RAP1GAP2: variants seen among roughly 807,000 people sequenced by gnomAD.
The protein encoded by RAP1GAP2 is RAP1 GTPase activating protein 2.
A neutral mutation model predicts 95.0 loss-of-function variants in RAP1GAP2; 27 were observed. The ratio of observed to expected loss-of-function variants is 0.28; its 90% CI spans 0.21 to 0.39. The LOEUF (loss-of-function observed/expected upper bound fraction) is 0.39, where lower values mean the gene tolerates loss of function less well. RAP1GAP2 is among the 10% of genes least tolerant of loss of function. The pLI is 1.00. For missense variants in RAP1GAP2, 771 were observed against 970.0 expected (o/e 0.79, Z 2.72); for synonymous variants, 373 against 380.9 (o/e 0.98, Z 0.24).
intron 17 of RAP1GAP2, among the ~76,000 whole-genome samples, chr17:3,011,609 G>GTTTTTTT (rs555219792): frequency 1.8e-5 from 2 of 109,666 alleles, no homozygotes; most frequent in Non-Finnish European, 3.6e-5. Flanking sequence ...TCCTGTCAAA[G>GTTTTTTT]TTTTTTTTTT....
At chr17:2,770,250 T>C (rs2068364028) in intron 1 of RAP1GAP2, 2 of 398,070 alleles carry the variant, frequency 5.0e-6, no homozygotes, top group Admixed American at 8.8e-5. Flanking sequence ...TCAGCAATTC[T>C]CCGGCAAGCA....
At position 2,995,347 on chromosome 17, in the gene RAP1GAP2, G is replaced by A; in HGVS notation, c.925G>A (p.Gly309Ser). 6.2e-7 allele frequency: 1 copy of A among 1,613,736 alleles called. No individual in the cohort carries two copies. Among genetic ancestry groups the A allele is most frequent in the Non-Finnish European group, 8.5e-7 (1 of 1,179,680 alleles). The change falls in exon 13 of 25, where the codon GGC (glycine) becomes AGC (serine). Residue 309 changes from glycine (G) to serine (S), a missense_variant. Physicochemically the swap from Gly to Ser is moderately conservative, Grantham distance 56. Transcript: ENST00000254695. ...TLQDFKGFRG[G>S]LDVTHGQTGV... Reference sequence around the variant, plus strand: ...CTGTTTTGTTGACAGTTTCCGAGGAGGCCTGGACGTGACCCACGGACAGAC... The same window carrying A: ...CTGTTTTGTTGACAGTTTCCGAGGAAGCCTGGACGTGACCCACGGACAGAC...
chr17:3,008,121 CG>C lies in RAP1GAP2; in HGVS notation c.1476del (p.Phe493SerfsTer60). The C allele has an allele frequency of 6.2e-7, 1 of 1,613,952 alleles. No homozygotes were observed. Among genetic ancestry groups the C allele is most frequent in the Non-Finnish European group, 8.5e-7 (1 of 1,179,874 alleles). On this transcript the variant is annotated frameshift_variant, in exon 17 of 25. Coordinates refer to ENST00000254695, the MANE Select transcript of RAP1GAP2 (RefSeq NM_015085.5). LOFTEE classifies it high-confidence loss of function. This position sits in a 1 kb window ranked among gnomAD's most constrained non-coding sequence, Gnocchi z 4.2. ...EEDKFENGGH[G>X]GFLESFKRAI... Reference sequence around the variant, plus strand: ...AGGACAAGTTTGAGAATGGAGGCCACGGGGGGTTCCTGGAGTCTTTTAAGGT... The same window carrying C: ...AGGACAAGTTTGAGAATGGAGGCCACGGGGGTTCCTGGAGTCTTTTAAGGT...
chr17:2,979,968 C>G (rs1304315638), intron 8 of RAP1GAP2, among the ~76,000 whole-genome samples: 1 of 151,000 alleles, frequency 6.6e-6, no homozygotes, highest in South Asian at 2.1e-4. Flanking sequence ...GAGGTGGAGT[C>G]TCACTCTTGT....
At chr17:3,016,097 G>A (rs751828640) in intron 17 of RAP1GAP2, among the ~76,000 whole-genome samples, 4 of 152,190 alleles carry the variant, frequency 2.6e-5, no homozygotes, top group Non-Finnish European at 4.4e-5. Flanking sequence ...GGCTCAGTCA[G>A]CATCAAGATT....
At chr17:2,837,637 C>T (rs28369561) in intron 2 of RAP1GAP2, among the ~76,000 whole-genome samples, 22,318 of 140,296 alleles carry the variant, frequency 0.16, 1,858 homozygotes, top group Middle Eastern at 0.22. Context: ...GATGGAGTCT[C>T]ACTCAGTTGC....
chr17:2,929,374 G>A (rs1390930740), intron 3 of RAP1GAP2, among the ~76,000 whole-genome samples: 1 of 152,082 alleles, frequency 6.6e-6, no homozygotes, highest in Non-Finnish European at 1.5e-5. Context: ...CTGGAATCTG[G>A]CAATCCCCTG....
At chr17:2,950,059 TTC>T (rs1367909447) in intron 3 of RAP1GAP2, among the ~76,000 whole-genome samples, 46 of 70,182 alleles carry the variant, frequency 6.6e-4, no homozygotes, top group Admixed American at 4.6e-3. Context: ...CTTCTTCTTC[TTC>T]TTTTTTTTTT....
rs571978840 is a variant in RAP1GAP2 at position 2,942,170 on chromosome 17, A to G, written c.166-15589A>G. Among the ~76,000 whole-genome samples, 7 of 152,226 alleles carry G rather than the reference A, an allele frequency of 4.6e-5. No homozygotes were observed. The South Asian group carries it at 1.2e-3, about 27-fold the overall frequency. On this transcript the variant is annotated intron_variant, in intron 3 of 24. Transcript: ENST00000254695. ...GGATTCATTCTGGGCAAGTTGCTTA[A>G]CCACTCTAAGTCTCCAACCCTCCAG...
chr17:3,031,062 G>C (rs2047275353), intron 23 of RAP1GAP2, 64 bp downstream of exon 23: 1 of 1,473,720 alleles, frequency 6.8e-7, no homozygotes, highest in African/African-American at 1.4e-5. Flanking sequence ...TCCTTCCTGA[G>C]GCCAGAGGAA....
At position 3,029,475 on chromosome 17, in the gene RAP1GAP2, G is replaced by A. The variant is rs187405046; in HGVS notation, c.2108-1447G>A. 6.6e-6 allele frequency among the ~76,000 whole-genome samples: 1 copy of A among 152,322 alleles called. No homozygotes were observed. Among genetic ancestry groups the A allele is most frequent in the Admixed American group, 6.5e-5 (1 of 15,300 alleles). ...GGGATCTGGGAACCGGTTTCATGCT[G>A]TTTGGCTGAGTCTGGGGAGAGGCAG... On this transcript the variant is annotated intron_variant, in intron 22 of 24. Transcript: ENST00000254695. The surrounding 1 kb of genome is among the most constrained non-coding windows in gnomAD (Gnocchi z 4.4).
chr17:2,776,413 G>C (rs2068500398), upstream of RAP1GAP2, among the ~76,000 whole-genome samples: 1 of 152,290 alleles, frequency 6.6e-6, no homozygotes, highest in East Asian at 1.9e-4. Flanking sequence ...TGGCGGGCAG[G>C]CTGCTCCTTC....
Position 2,984,983 on chromosome 17 carries a change from G to T in RAP1GAP2, c.730G>T (p.Ala244Ser), listed in dbSNP as rs751733599. 3 of 1,602,530 alleles carry T rather than the reference G, an allele frequency of 1.9e-6. No homozygotes were observed. The highest frequency in any genetic ancestry group is 2.6e-6 in the Non-Finnish European group (3 of 1,176,194). Reference sequence around the variant, plus strand: ...TTTTTTTTCTTGCCACATTTTCCAGGCCTCCCAAATGATTGTGTCCTATGA... The same window carrying T: ...TTTTTTTTCTTGCCACATTTTCCAGTCCTCCCAAATGATTGTGTCCTATGA... Reference protein sequence around the residue: ...LRFNPVLYPKASQMIVSYDEH... With the variant: ...LRFNPVLYPKSSQMIVSYDEH... The change falls in exon 11 of 25, where the codon GCC becomes TCC. Residue 244 changes from alanine to serine, a missense_variant and splice_region_variant. Transcript: ENST00000254695.
At chr17:3,006,525 C>G (rs1357960143) in intron 16 of RAP1GAP2, among the ~76,000 whole-genome samples, 2 of 151,446 alleles carry the variant, frequency 1.3e-5, no homozygotes, top group African/African-American at 4.9e-5. Flanking sequence ...GCTCTGCCTC[C>G]CGGGTTCACA....
intron 10 of RAP1GAP2, 64 bp downstream of exon 10, chr17:2,981,312 G>T: frequency 2.1e-6 from 3 of 1,445,438 alleles, no homozygotes; most frequent in East Asian, 2.4e-5. Flanking sequence ...CAGACCTGTG[G>T]CTCTTTGGGG....
rs574894968 is a variant in RAP1GAP2 at position 2,957,942 on chromosome 17, C to T, written c.201+148C>T. The T allele has an allele frequency of 2.0e-5, 17 of 865,784 alleles. No homozygotes were observed. The African/African-American group carries it at 2.8e-4, about 14-fold the overall frequency. The allele number at this position is 865,784 out of a possible 1,614,324, so 53.6% of individuals were successfully genotyped here. ...ATTGCATCCCCTTGGCCCAGACAACCTGAGGCCATTTTGCTGTTGAGGGGT... is the reference window on the plus strand; with the variant it reads ...ATTGCATCCCCTTGGCCCAGACAACTTGAGGCCATTTTGCTGTTGAGGGGT... On this transcript the variant is annotated intron_variant, in intron 4 of 24. Transcript: ENST00000254695.
At chr17:2,790,024 G>A (rs1050996952) in intron 1 of RAP1GAP2, among the ~76,000 whole-genome samples, 2 of 152,020 alleles carry the variant, frequency 1.3e-5, no homozygotes, top group South Asian at 2.1e-4. Context: ...ACCCTGAGGC[G>A]TGAATTCTTC....
At chr17:2,757,385 GT>G in intron 1 of RAP1GAP2, among the ~76,000 whole-genome samples, 1 of 152,326 alleles carries the variant, frequency 6.6e-6, no homozygotes, top group African/African-American at 2.4e-5. Flanking sequence ...GCCTCCCAAA[GT>G]GCTGGGATTA....
At chr17:2,979,390 CA>C (rs1280639682) in intron 8 of RAP1GAP2, among the ~76,000 whole-genome samples, 3 of 150,936 alleles carry the variant, frequency 2.0e-5, no homozygotes, top group African/African-American at 4.9e-5. Flanking sequence ...CCAAACAAAC[CA>C]AAAAATAATG....
Sources: gnomAD v4.1 joint callset for allele counts (sites outside exome capture counted in the v4.1 genomes callset) on GRCh38, gnomAD v4.1.1 for gene constraint, Gnocchi (gnomAD v3.1) non-coding constraint, MANE v1.5 for transcripts, NCBI Gene and HGNC (gene_info 2026-07-23, HGNC 2026-07-21) for gene names.